The following SBF2 variants were observed in gnomAD, a reference collection of about 807,000 sequenced individuals.
The protein encoded by SBF2 is SET binding factor 2.
Under a neutral mutation model 225.2 loss-of-function variants are expected in SBF2, and 112 were observed. The observed-to-expected ratio is 0.50, with a 90% CI of 0.43 to 0.58. The LOEUF (loss-of-function observed/expected upper bound fraction) is 0.58, where lower values mean the gene tolerates loss of function less well. Among genes scored for constraint, SBF2 ranks in the 20% least tolerant of loss-of-function variants. The pLI, the probability that SBF2 is intolerant of heterozygous loss-of-function variation, is 0.00. For missense variants in SBF2, 1,996 were observed against 2,206.2 expected, an observed-to-expected ratio of 0.90 and a Z score of 1.91; for synonymous variants, 763 against 773.3, an observed-to-expected ratio of 0.99 and a Z score of 0.22.
chr11:9,867,857 G>A (rs1858363330), intron 17 of SBF2, among the ~76,000 whole-genome samples: 2 of 152,166 alleles, frequency 1.3e-5, no homozygotes, highest in South Asian at 2.1e-4. Context: ...CCAAGAAGCT[G>A]GGAAGGGCTA....
intron 1 of SBF2, among the ~76,000 whole-genome samples, chr11:10,279,367 C>G (rs1963233986): frequency 6.7e-6 from 1 of 148,584 alleles, no homozygotes; most frequent in South Asian, 2.1e-4. Context: ...GAGCTGAGGT[C>G]GCACCATTGC....
intron 2 of SBF2, among the ~76,000 whole-genome samples, chr11:10,172,453 G>C (rs879369267): frequency 2.6e-5 from 4 of 152,102 alleles, no homozygotes; most frequent in African/African-American, 7.2e-5. Flanking sequence ...CCAGGTTCAA[G>C]GGATTCTCCT....
intron 2 of SBF2, among the ~76,000 whole-genome samples, chr11:10,047,530 A>T (rs868107802): frequency 6.6e-6 from 1 of 152,150 alleles, no homozygotes. Flanking sequence ...CATATAATCC[A>T]GTGGACGTAA....
chr11:10,167,690 C>T (rs963856223), intron 2 of SBF2, among the ~76,000 whole-genome samples: 1 of 152,150 alleles, frequency 6.6e-6, no homozygotes, highest in African/African-American at 2.4e-5. Flanking sequence ...CTCTGTTTGG[C>T]AAAAAGCAGC....
At chr11:10,221,121 CTTT>C (rs58196333) in intron 1 of SBF2, among the ~76,000 whole-genome samples, 3 of 138,630 alleles carry the variant, frequency 2.2e-5, no homozygotes, top group Admixed American at 7.3e-5. Flanking sequence ...CTGTTACTTC[CTTT>C]TTTTTTTTTT....
chr11:9,800,531 C>T (rs1001632684), intron 32 of SBF2, among the ~76,000 whole-genome samples: 14 of 151,892 alleles, frequency 9.2e-5, no homozygotes, highest in Non-Finnish European at 1.0e-4. Flanking sequence ...CTCAGCCTCC[C>T]GAGTAGCTGG....
chr11:10,300,447 C>G (rs1460263286), intron 1 of SBF2, among the ~76,000 whole-genome samples: 9 of 152,016 alleles, frequency 5.9e-5, no homozygotes, highest in African/African-American at 2.2e-4. Context: ...GAGTGGATCT[C>G]TTGAGATCAG....
intron 3 of SBF2, among the ~76,000 whole-genome samples, chr11:10,032,127 C>A (rs79182530): frequency 2.0e-3 from 304 of 152,290 alleles, no homozygotes; most frequent in African/African-American, 6.8e-3. Flanking sequence ...AATGGCAAAT[C>A]TTATACATAT....
intron 13 of SBF2, among the ~76,000 whole-genome samples, chr11:9,981,526 T>A (rs1267893704): frequency 6.6e-6 from 1 of 152,216 alleles, no homozygotes; most frequent in African/African-American, 2.4e-5. Context: ...ATTTCTTTTA[T>A]TTTTTCAAGA....
At position 10,119,275 on chromosome 11, in the gene SBF2, G is replaced by T. The variant is rs189153664; in HGVS notation, c.141+74627C>A. ...TCCTGTTCCGCTTGTTTTTCCCATG[G>T]ACTATATTTACCATTTATGATTCTC... On this transcript the variant is annotated intron_variant, in intron 2 of 39. Transcript: ENST00000256190. 2.8e-3 allele frequency among the ~76,000 whole-genome samples: 419 copies of T among 152,058 alleles called. 2 individuals are homozygous for T. Among genetic ancestry groups the T allele is most frequent in the Non-Finnish European group, 3.4e-3 (231 of 67,936 alleles).
intron 16 of SBF2, among the ~76,000 whole-genome samples, chr11:9,923,991 CACTT>C (rs1186223552): frequency 1.3e-5 from 2 of 152,192 alleles, no homozygotes; most frequent in South Asian, 2.1e-4. Flanking sequence ...CAACTGTTCT[CACTT>C]ACATCCACCA....
At chr11:9,804,630 C>T (rs1019574935) in intron 32 of SBF2, among the ~76,000 whole-genome samples, 3 of 152,212 alleles carry the variant, frequency 2.0e-5, no homozygotes, top group Non-Finnish European at 4.4e-5. Flanking sequence ...TGGTCCCAGG[C>T]AGTCACTGAT....
intron 16 of SBF2, among the ~76,000 whole-genome samples, chr11:9,912,962 T>A (rs954125050): frequency 1.3e-5 from 2 of 152,096 alleles, no homozygotes; most frequent in African/African-American, 4.8e-5. Context: ...TCAGAAAAAG[T>A]TGGGTAAAAA....
At chr11:9,787,578 G>T in intron 36 of SBF2, 56 bp downstream of exon 36, 1 of 1,472,700 alleles carries the variant, frequency 6.8e-7, no homozygotes, top group South Asian at 1.1e-5. Flanking sequence ...GGCTCCACCT[G>T]ACTTAGCACC....
chr11:10,180,886 C>G (rs1956711260), intron 2 of SBF2, among the ~76,000 whole-genome samples: 1 of 151,988 alleles, frequency 6.6e-6, no homozygotes, highest in African/African-American at 2.4e-5. Context: ...GTTTTGAATC[C>G]AATAGTAAAA....
At chr11:9,834,874 G>A (rs1855637743) in intron 26 of SBF2, among the ~76,000 whole-genome samples, 1 of 152,154 alleles carries the variant, frequency 6.6e-6, no homozygotes, top group Non-Finnish European at 1.5e-5. Context: ...CCTGCCCCCT[G>A]TAGTGAGCCA....
intron 17 of SBF2, among the ~76,000 whole-genome samples, chr11:9,880,249 A>G (rs2134080465): frequency 6.6e-6 from 1 of 152,312 alleles, no homozygotes; most frequent in South Asian, 2.1e-4. Context: ...CATGTTATTA[A>G]CTATATCTGG....
chr11:10,174,225 G>A (rs1270965373), intron 2 of SBF2, among the ~76,000 whole-genome samples: 2 of 152,276 alleles, frequency 1.3e-5, no homozygotes, highest in East Asian at 1.9e-4. Flanking sequence ...GCTACGGGAG[G>A]AAATTCAAAC....
At chr11:10,063,261 A>C (rs1331815333) in intron 2 of SBF2, among the ~76,000 whole-genome samples, 3 of 151,794 alleles carry the variant, frequency 2.0e-5, no homozygotes, top group African/African-American at 7.3e-5. Context: ...ATGTACAACA[A>C]ACCCCCGACA....
Sources: allele counts gnomAD v4.1 joint callset (sites outside exome capture counted in the v4.1 genomes callset), GRCh38; gene constraint gnomAD v4.1.1; transcripts MANE v1.5; gene names NCBI Gene and HGNC (gene_info 2026-07-23, HGNC 2026-07-21).